UBOX5: variants seen among roughly 807,000 people sequenced by gnomAD.
UBOX5 encodes the protein U-box domain containing 5, also known as RING finger protein 37.
Under a neutral mutation model 39.0 loss-of-function variants are expected in UBOX5, and 28 were observed. That is an observed-to-expected ratio of 0.72 (90% CI 0.53 to 0.98). The LOEUF is 0.98. Ranked by LOEUF, UBOX5 falls within the 50% of genes least tolerant of loss-of-function variation. The pLI is 0.00. For synonymous variants in UBOX5, 283 were observed against 275.5 expected, an observed-to-expected ratio of 1.03 and a Z score of -0.27; for missense variants, 585 against 674.4, an observed-to-expected ratio of 0.87 and a Z score of 1.47.
At chr20:3,135,200 A>C (rs6051599) in intron 1 of UBOX5, among the ~76,000 whole-genome samples, 1 of 152,196 alleles carries the variant, frequency 6.6e-6, no homozygotes, top group Non-Finnish European at 1.5e-5. Flanking sequence ...TGGTCAACTC[A>C]GGGGAAAATT....
At position 3,125,902 on chromosome 20, in the gene UBOX5, G is replaced by A. The variant is rs577181461; in HGVS notation, c.-41-2496C>T. Reference sequence around the variant, plus strand: ...CCACCCCGTCTGGGAAGTGAGGAGCGCCTCTGCCCAGCCGCCCCGTCTGGG... The same window carrying A: ...CCACCCCGTCTGGGAAGTGAGGAGCACCTCTGCCCAGCCGCCCCGTCTGGG... On this transcript the variant is annotated intron_variant, in intron 1 of 4. Coordinates refer to ENST00000217173, the MANE Select transcript of UBOX5 (RefSeq NM_014948.4). Among the ~76,000 whole-genome samples, 182 of 150,660 alleles carry A rather than the reference G, an allele frequency of 1.2e-3. 1 individual carries two copies. The highest frequency in any genetic ancestry group is 2.2e-3 in the Non-Finnish European group (150 of 67,666).
At chr20:3,140,178 T>C (rs753540772) in intron 1 of UBOX5, among the ~76,000 whole-genome samples, 1 of 151,384 alleles carries the variant, frequency 6.6e-6, no homozygotes, top group Admixed American at 6.6e-5. Flanking sequence ...CACACCATCA[T>C]GCCCAGCTGA....
rs2066565009 is a variant in UBOX5 at position 3,146,559 on chromosome 20, TAA to T, written c.-42+13205_-42+13206del. ...ACATATTAAGATGTTTATTATTTAC[TAA>T]GAGTAACATGTATACATTTGCAGTA... On this transcript the variant is annotated intron_variant, in intron 1 of 4. Transcript: ENST00000217173. 7.7e-6 allele frequency: 4 copies of T among 521,936 alleles called. No individual in the cohort carries two copies. The Admixed American group carries it at 1.1e-4, about 14-fold the overall frequency. The allele number at this position is 521,936 out of a possible 1,614,324, so 32.3% of individuals were successfully genotyped here.
At chr20:3,140,014 C>CTTTTTTTTTTT (rs138435815) in intron 1 of UBOX5, among the ~76,000 whole-genome samples, 1 of 78,340 alleles carries the variant, frequency 1.3e-5, no homozygotes, top group Non-Finnish European at 2.5e-5. Flanking sequence ...GGCCTTTTTA[C>CTTTTTTTTTTT]TTTTTTTTTT....
intron 3 of UBOX5, 47 bp downstream of exon 3, chr20:3,121,337 G>A (rs972963351): frequency 1.3e-6 from 2 of 1,564,812 alleles, no homozygotes; most frequent in African/African-American, 2.7e-5. Flanking sequence ...AGAGCTCCTG[G>A]GAAGGAGATG....
At chr20:3,121,313 G>A in intron 3 of UBOX5, 71 bp downstream of exon 3, 1 of 1,541,116 alleles carries the variant, frequency 6.5e-7, no homozygotes, top group Non-Finnish European at 8.7e-7. Context: ...ACAAAGCAAA[G>A]GGCAGCAGAG....
chr20:3,129,967 C>T (rs966562841), intron 1 of UBOX5, among the ~76,000 whole-genome samples: 6 of 152,106 alleles, frequency 3.9e-5, no homozygotes, highest in African/African-American at 1.4e-4. Context: ...TAGGGGCTCA[C>T]GCCTGTGATC....
intron 1 of UBOX5, among the ~76,000 whole-genome samples, chr20:3,144,468 C>T (rs1429779907): frequency 2.6e-5 from 4 of 152,060 alleles, no homozygotes; most frequent in African/African-American, 7.2e-5. Context: ...CCTCATGCTA[C>T]ATATAAAAAT....
rs941140937 is a variant in UBOX5, at chr20:3,107,879, G to A, written c.*2227C>T. 7.2e-5 allele frequency: 11 copies of A among 152,200 alleles called. No individual in the cohort carries two copies. Among genetic ancestry groups the A allele is most frequent in the African/African-American group, 1.2e-4 (5 of 41,400 alleles). The allele number at this position is 152,200 out of a possible 1,614,324, so 9.4% of individuals were successfully genotyped here. A position where few individuals can be genotyped will look rare whatever the true frequency, so the allele number is the denominator to read the frequency against. On this transcript the variant is annotated 3_prime_UTR_variant, in exon 5 of 5. Transcript: ENST00000217173. The surrounding 1 kb of genome is among the most constrained non-coding windows in gnomAD (Gnocchi z 5.0). ...TACCTCCAACACAGCTGCTTAAGGG[G>A]AGGCAGTCCGGCCCTCATCTGGGAG...
Position 3,127,258 on chromosome 20 carries a change from G to A in UBOX5, c.-41-3852C>T, listed in dbSNP as rs552861107. Reference sequence around the variant, plus strand: ...CGTGGCCATGTAAAATTGTTAGCCCGACAGGGATAGGGTCACCCTCTGGGC... The same window carrying A: ...CGTGGCCATGTAAAATTGTTAGCCCAACAGGGATAGGGTCACCCTCTGGGC... On this transcript the variant is annotated intron_variant, in intron 1 of 4. Coordinates refer to ENST00000217173, the MANE Select transcript of UBOX5 (RefSeq NM_014948.4). Among the ~76,000 whole-genome samples the A allele has an allele frequency of 1.1e-4, 16 of 152,076 alleles. No homozygotes were observed. In the South Asian group the frequency reaches 2.3e-3, roughly 22 times the overall value.
chr20:3,134,243 T>C (rs1029515203), intron 1 of UBOX5, among the ~76,000 whole-genome samples: 5 of 152,140 alleles, frequency 3.3e-5, no homozygotes, highest in African/African-American at 1.2e-4. Flanking sequence ...ATGTTTACAT[T>C]TGGTGTATTC....
At chr20:3,110,542 T>G (rs1338716811) in intron 4 of UBOX5, 1 of 561,730 alleles carries the variant, frequency 1.8e-6, no homozygotes, top group Non-Finnish European at 3.2e-6. Context: ...CCTCTACGAA[T>G]GCTTGAGAAG....
intron 1 of UBOX5, among the ~76,000 whole-genome samples, chr20:3,135,591 C>T (rs1337861171): frequency 6.6e-6 from 1 of 152,084 alleles, no homozygotes; most frequent in African/African-American, 2.4e-5. Flanking sequence ...GAATTAAGAA[C>T]TTAAATTACC....
At chr20:3,148,293 T>C in intron 1 of UBOX5, 1 of 1,613,076 alleles carries the variant, frequency 6.2e-7, no homozygotes, top group Non-Finnish European at 8.5e-7. Context: ...TTTAAAAACC[T>C]AGGTACTTTG....
chr20:3,139,702 C>T (rs1389781522), intron 1 of UBOX5, among the ~76,000 whole-genome samples: 1 of 151,980 alleles, frequency 6.6e-6, no homozygotes, highest in Non-Finnish European at 1.5e-5. Flanking sequence ...GCGTGAGCCA[C>T]TGCACCCAAC....
chr20:3,158,059 C>G (rs2066706729), intron 1 of UBOX5, among the ~76,000 whole-genome samples: 1 of 152,196 alleles, frequency 6.6e-6, no homozygotes, highest in South Asian at 2.1e-4. Flanking sequence ...CCTCCCACCT[C>G]AGCCTCCTAA....
In UBOX5 at chr20:3,109,776, G is replaced by A; in HGVS notation, c.*330C>T. The A allele has an allele frequency of 2.7e-6, 1 of 373,192 alleles. No homozygotes were observed. Among genetic ancestry groups the A allele is most frequent in the South Asian group, 2.6e-5 (1 of 38,316 alleles). The allele number at this position is 373,192 out of a possible 1,614,324, so 23.1% of individuals were successfully genotyped here. A position where few individuals can be genotyped will look rare whatever the true frequency, so the allele number is the denominator to read the frequency against. ...GTGAGCCACCCACAGTGCCCTGCTG[G>A]ACAGGGGGGTATGCGGACTGCACGG... On this transcript the variant is annotated 3_prime_UTR_variant, in exon 5 of 5. Transcript: ENST00000217173.
rs770782723 is a variant in UBOX5, at chr20:3,122,318, T to A, written c.321A>T (p.Pro107=). Residue 107 remains proline, a synonymous_variant, in exon 3 of 5, where the codon CCA becomes CCT. Coordinates refer to ENST00000217173, the MANE Select transcript of UBOX5 (RefSeq NM_014948.4). ...TGAACGCCTCCTTGTCTGGGACAGA[T>A]GGCTCAGCTGGGCCCAGGGTCCGGC... The part of the protein sequence containing the change: ...PQCRTLGPAE[P]SVPDKEAFTL... 1.9e-6 allele frequency: 3 copies of A among 1,614,192 alleles called. No individual in the cohort carries two copies. Among genetic ancestry groups the A allele is most frequent in the Non-Finnish European group, 2.5e-6 (3 of 1,180,020 alleles).
intron 4 of UBOX5, 147 bp downstream of exon 4, chr20:3,115,158 A>T (rs551814849): frequency 2.0e-6 from 2 of 998,304 alleles, no homozygotes; most frequent in South Asian, 4.2e-5. Context: ...GCAAGAGAAC[A>T]GGTTCTCTCC....
Sources: gnomAD v4.1 joint callset for allele counts (sites outside exome capture counted in the v4.1 genomes callset) on GRCh38, gnomAD v4.1.1 for gene constraint, Gnocchi (gnomAD v3.1) non-coding constraint, MANE v1.5 for transcripts, NCBI Gene and HGNC (gene_info 2026-07-23, HGNC 2026-07-21) for gene names.